Variants in STAG1 observed in about 807,000 individuals in gnomAD.
The protein encoded by STAG1 is STAG1 cohesin complex component.
Under a neutral mutation model 170.9 loss-of-function variants are expected in STAG1, and 26 were observed. The observed-to-expected ratio is 0.15, with a 90% CI of 0.11 to 0.21. STAG1 has a LOEUF of 0.21. Among genes scored for constraint, STAG1 ranks in the 10% least tolerant of loss-of-function variants. The probability of loss-of-function intolerance (pLI) is 1.00; values close to 1 mark genes in which losing one functional copy is unlikely to be tolerated. For synonymous variants in STAG1, 514 were observed against 497.7 expected (o/e 1.03, Z -0.44); for missense variants, 964 against 1,509.5 (o/e 0.64, Z 5.99).
At chr3:136,451,624 G>T (rs1168876750) in intron 14 of STAG1, among the ~76,000 whole-genome samples, 1 of 152,076 alleles carries the variant, frequency 6.6e-6, no homozygotes, top group South Asian at 2.1e-4. Context: ...TTAGCTGGGC[G>T]TGGTAGTGGG....
intron 22 of STAG1, among the ~76,000 whole-genome samples, chr3:136,380,483 G>A (rs1221192684): frequency 1.3e-5 from 2 of 151,842 alleles, no homozygotes; most frequent in Admixed American, 6.6e-5. Flanking sequence ...CTCGTGATCC[G>A]CCAGTCTCAG....
chr3:136,524,777 C>T (rs1395021992), intron 6 of STAG1, among the ~76,000 whole-genome samples: 1 of 152,096 alleles, frequency 6.6e-6, no homozygotes, highest in Non-Finnish European at 1.5e-5. Context: ...CCCATCAATA[C>T]CTAATTTATT....
intron 1 of STAG1, among the ~76,000 whole-genome samples, chr3:136,689,612 T>C (rs1362872021): frequency 1.3e-5 from 2 of 152,214 alleles, no homozygotes; most frequent in Non-Finnish European, 2.9e-5. Flanking sequence ...AGCCAAATTT[T>C]GTACACCTCT....
At chr3:136,700,650 C>G (rs552055825) in intron 1 of STAG1, among the ~76,000 whole-genome samples, 95 of 151,838 alleles carry the variant, frequency 6.3e-4, no homozygotes, top group African/African-American at 2.2e-3. Context: ...GAACTCCTGA[C>G]CACAGGTGAT....
intron 19 of STAG1, 76 bp downstream of exon 19, chr3:136,422,334 A>C: frequency 2.2e-6 from 3 of 1,350,628 alleles, no homozygotes; most frequent in Non-Finnish European, 3.1e-6. Context: ...TAAAATGAAA[A>C]TGATTTACAC....
At chr3:136,733,408 A>G (rs917918211) in intron 1 of STAG1, among the ~76,000 whole-genome samples, 14 of 152,236 alleles carry the variant, frequency 9.2e-5, no homozygotes, top group African/African-American at 2.9e-4. Context: ...TTTAACGCAC[A>G]CTGACAGGGA....
intron 1 of STAG1, among the ~76,000 whole-genome samples, chr3:136,639,776 G>GA: frequency 6.6e-6 from 1 of 152,192 alleles, no homozygotes; most frequent in East Asian, 1.9e-4. Flanking sequence ...ACAGCCATAA[G>GA]AAAAAATTAC....
At chr3:136,565,878 A>C (rs1182190137) in intron 5 of STAG1, among the ~76,000 whole-genome samples, 1 of 152,210 alleles carries the variant, frequency 6.6e-6, no homozygotes, top group Non-Finnish European at 1.5e-5. Context: ...TGCATGCTAC[A>C]ACTTAAATGA....
At position 136,465,222 on chromosome 3, in the gene STAG1, C is replaced by CTT. The variant is rs63439962; in HGVS notation, c.1206-236_1206-235dup. On this transcript the variant is annotated intron_variant, in intron 12 of 33. Transcript: ENST00000383202. ...TAAAATGCTCACAATTCTTCTACAG[C>CTT]TTTTTTTTTTTTTTTGAGACAGAGT... Among the ~76,000 whole-genome samples, 360 of 136,176 alleles carry CTT rather than the reference C, an allele frequency of 2.6e-3. 1 individual carries two copies. The highest frequency in any genetic ancestry group is 0.019 in the Middle Eastern group (5 of 266). 89.3% of individuals were successfully genotyped at this position (136,176 alleles called of 152,430 possible).
intron 1 of STAG1, among the ~76,000 whole-genome samples, chr3:136,709,964 G>T (rs1342076006): frequency 6.6e-6 from 1 of 152,082 alleles, no homozygotes; most frequent in East Asian, 1.9e-4. Flanking sequence ...GAACCCAGGA[G>T]GCAGAGGTTT....
intron 6 of STAG1, 144 bp from the exon 7 acceptor site, chr3:136,521,561 G>T: frequency 3.3e-6 from 2 of 613,672 alleles, no homozygotes; most frequent in Non-Finnish European, 2.8e-6. Flanking sequence ...ACATTTGATT[G>T]CTTTATTTCT....
chr3:136,474,703 C>T (rs938987679), intron 10 of STAG1, among the ~76,000 whole-genome samples: 17 of 152,132 alleles, frequency 1.1e-4, no homozygotes, highest in African/African-American at 3.9e-4. Flanking sequence ...TTGGTAAGTC[C>T]CTAGCACACA....
chr3:136,584,706 A>G (rs1389368090), intron 4 of STAG1, among the ~76,000 whole-genome samples: 1 of 152,230 alleles, frequency 6.6e-6, no homozygotes, highest in Non-Finnish European at 1.5e-5. Context: ...GGAACATACC[A>G]AGGCAAGCCT....
At chr3:136,698,373 C>T (rs1214910090) in intron 1 of STAG1, among the ~76,000 whole-genome samples, 1 of 151,896 alleles carries the variant, frequency 6.6e-6, no homozygotes, top group Non-Finnish European at 1.5e-5. Flanking sequence ...AGATATACAG[C>T]TAACAAGCAT....
At chr3:136,501,687 C>T (rs1933481215) in intron 8 of STAG1, among the ~76,000 whole-genome samples, 1 of 152,192 alleles carries the variant, frequency 6.6e-6, no homozygotes, top group East Asian at 1.9e-4. Context: ...TTTGTCACAG[C>T]AGCCCTATCA....
At chr3:136,362,103 A>G (rs1576389949) in intron 26 of STAG1, among the ~76,000 whole-genome samples, 1 of 151,112 alleles carries the variant, frequency 6.6e-6, no homozygotes. Flanking sequence ...GATTACAGGC[A>G]CCCGCCACCA....
At chr3:136,538,692 T>A (rs1935757392) in intron 6 of STAG1, among the ~76,000 whole-genome samples, 1 of 151,734 alleles carries the variant, frequency 6.6e-6, no homozygotes, top group Non-Finnish European at 1.5e-5. Flanking sequence ...AGTGCTGGGA[T>A]TACAGGCGTA....
chr3:136,404,758 A>T (rs1416743616), intron 21 of STAG1, among the ~76,000 whole-genome samples: 1 of 152,176 alleles, frequency 6.6e-6, no homozygotes, highest in African/African-American at 2.4e-5. Context: ...TTTCTAATTA[A>T]TGTAAAGCTT....
At chr3:136,725,660 C>T (rs938400886) in intron 1 of STAG1, among the ~76,000 whole-genome samples, 4 of 152,126 alleles carry the variant, frequency 2.6e-5, no homozygotes, top group East Asian at 1.9e-4. Context: ...TCATATGCCA[C>T]GCAATACAAA....
Sources: allele counts gnomAD v4.1 joint callset (sites outside exome capture counted in the v4.1 genomes callset), GRCh38; gene constraint gnomAD v4.1.1; transcripts MANE v1.5; gene names NCBI Gene and HGNC (gene_info 2026-07-23, HGNC 2026-07-21).